The following RBFOX2 variants were observed in gnomAD, a reference collection of about 807,000 sequenced individuals.
RBFOX2 encodes the protein RNA binding fox-1 homolog 2, also known as RNA binding protein fox-1 homolog 2.
RBFOX2 carries 10 observed loss-of-function variants against 49.1 expected under a neutral mutation model. That is an observed-to-expected ratio of 0.20 (90% confidence interval 0.13 to 0.35). The LOEUF is 0.35. RBFOX2 is among the 10% of genes least tolerant of loss of function. RBFOX2 has a pLI of 1.00. For missense variants in RBFOX2, 323 were observed against 486.9 expected (o/e 0.66, Z 3.17); for synonymous variants, 183 against 187.4 (o/e 0.98, Z 0.19).
intron 9 of RBFOX2, chr22:35,752,752 T>C: frequency 9.6e-6 from 5 of 519,082 alleles, no homozygotes; most frequent in Non-Finnish European, 1.2e-5. Context: ...AGCCTTTTCT[T>C]TCCTTTGGAT....
At chr22:35,793,539 G>GA (rs1215465251) in intron 2 of RBFOX2, among the ~76,000 whole-genome samples, 2 of 152,204 alleles carry the variant, frequency 1.3e-5, no homozygotes, top group Admixed American at 6.5e-5. Context: ...CTTAGCTACT[G>GA]AAAAATCAAT....
intron 2 of RBFOX2, among the ~76,000 whole-genome samples, chr22:35,789,059 T>G (rs1947027486): frequency 6.6e-6 from 1 of 152,184 alleles, no homozygotes; most frequent in African/African-American, 2.4e-5. Flanking sequence ...TATCAGAATT[T>G]TTAGAATTTT....
chr22:35,927,892 C>G (rs561501885), intron 1 of RBFOX2, among the ~76,000 whole-genome samples: 1 of 152,210 alleles, frequency 6.6e-6, no homozygotes, highest in South Asian at 2.1e-4. Context: ...AATTTCAAAT[C>G]TACAGATAAT....
At chr22:35,970,703 G>A (rs1017908958) in intron 1 of RBFOX2, among the ~76,000 whole-genome samples, 2 of 152,176 alleles carry the variant, frequency 1.3e-5, no homozygotes, top group East Asian at 1.9e-4. Flanking sequence ...TGGTGCTTAC[G>A]AGAGGACAAA....
intron 1 of RBFOX2, among the ~76,000 whole-genome samples, chr22:35,953,715 T>A (rs886711721): frequency 6.6e-6 from 1 of 152,202 alleles, no homozygotes; most frequent in Non-Finnish European, 1.5e-5. Flanking sequence ...TACACCACAG[T>A]ACAAATGAAG....
intron 1 of RBFOX2, among the ~76,000 whole-genome samples, chr22:35,810,689 A>T (rs1014231960): frequency 6.6e-6 from 1 of 152,214 alleles, no homozygotes; most frequent in Non-Finnish European, 1.5e-5. Flanking sequence ...TCAGCAAAAA[A>T]ATTAAGCAGT....
chr22:35,840,006 T>C (rs1271454512), intron 1 of RBFOX2, among the ~76,000 whole-genome samples: 1 of 152,192 alleles, frequency 6.6e-6, no homozygotes, highest in East Asian at 1.9e-4. Flanking sequence ...GAAGAAAGGA[T>C]ACGGATACAT....
intron 1 of RBFOX2, among the ~76,000 whole-genome samples, chr22:35,870,969 C>T (rs1489032686): frequency 6.6e-6 from 1 of 152,172 alleles, no homozygotes; most frequent in Non-Finnish European, 1.5e-5. Context: ...CATATCCACA[C>T]TCCCCTCATT....
At chr22:35,888,351 T>A (rs149092212) in intron 1 of RBFOX2, among the ~76,000 whole-genome samples, 2 of 152,288 alleles carry the variant, frequency 1.3e-5, no homozygotes, top group Non-Finnish European at 2.9e-5. Context: ...TTCTGAGAAA[T>A]GCATCACTGA....
At chr22:35,765,454 G>C in exon 6 of RBFOX2, 1 of 1,521,194 alleles carries the variant, frequency 6.6e-7, no homozygotes, top group Non-Finnish European at 9.1e-7. Flanking sequence ...TCTTCTTATT[G>C]GTCATTACAC....
chr22:35,902,571 C>G (rs1421133177), intron 1 of RBFOX2, among the ~76,000 whole-genome samples: 1 of 152,098 alleles, frequency 6.6e-6, no homozygotes, highest in Non-Finnish European at 1.5e-5. Flanking sequence ...CCCAAAATGA[C>G]TATTTCTTGC....
At chr22:35,902,545 G>GA (rs2048709129) in intron 1 of RBFOX2, among the ~76,000 whole-genome samples, 1 of 152,058 alleles carries the variant, frequency 6.6e-6, no homozygotes, top group Non-Finnish European at 1.5e-5. Context: ...AGCTGCCCTT[G>GA]AAAGCTTTCC....
At chr22:35,967,836 G>A (rs1283267358) in intron 1 of RBFOX2, among the ~76,000 whole-genome samples, 1 of 152,086 alleles carries the variant, frequency 6.6e-6, no homozygotes, top group Non-Finnish European at 1.5e-5. Context: ...AAGAGTACAA[G>A]AAAGAACTTA....
At chr22:35,874,795 T>C (rs1034757148) in intron 1 of RBFOX2, among the ~76,000 whole-genome samples, 2 of 152,176 alleles carry the variant, frequency 1.3e-5, no homozygotes, top group African/African-American at 4.8e-5. Flanking sequence ...AAGACAAGTG[T>C]TATGGACCAA....
At chr22:35,833,939 T>C (rs1957214991) in intron 1 of RBFOX2, among the ~76,000 whole-genome samples, 1 of 152,184 alleles carries the variant, frequency 6.6e-6, no homozygotes. Flanking sequence ...GAATAATGTA[T>C]ACTTTATTAC....
At chr22:35,891,842 T>C (rs1232308979) in intron 1 of RBFOX2, among the ~76,000 whole-genome samples, 1 of 147,794 alleles carries the variant, frequency 6.8e-6, no homozygotes, top group African/African-American at 2.5e-5. Flanking sequence ...AATAGTACTG[T>C]GCAACGCAAA....
At chr22:36,001,220 C>T (rs897407832) in intron 1 of RBFOX2, among the ~76,000 whole-genome samples, 26 of 146,610 alleles carry the variant, frequency 1.8e-4, no homozygotes, top group Non-Finnish European at 3.5e-4. Context: ...CACACACACA[C>T]ACACACACAC....
intron 1 of RBFOX2, among the ~76,000 whole-genome samples, chr22:35,902,286 T>C (rs2048683836): frequency 6.6e-6 from 1 of 152,146 alleles, no homozygotes; most frequent in Non-Finnish European, 1.5e-5. Flanking sequence ...CTTTGTCCAA[T>C]TTTGATGCCG....
intron 9 of RBFOX2, among the ~76,000 whole-genome samples, chr22:35,757,591 T>G (rs1453781757): frequency 6.6e-6 from 1 of 152,200 alleles, no homozygotes; most frequent in Admixed American, 6.5e-5. Flanking sequence ...GTTTCTTAAT[T>G]CTATTTCCAA....
Sources: gnomAD v4.1 joint callset for allele counts (sites outside exome capture counted in the v4.1 genomes callset) on GRCh38, gnomAD v4.1.1 for gene constraint, MANE v1.5 for transcripts, NCBI Gene and HGNC (gene_info 2026-07-23, HGNC 2026-07-21) for gene names.